CFTR: variants seen among roughly 807,000 people sequenced by gnomAD.
CFTR encodes cystic fibrosis transmembrane conductance regulator.
A neutral mutation model predicts 171.6 loss-of-function variants in CFTR; 181 were observed. The observed-to-expected ratio is 1.05, with a 90% CI of 0.93 to 1.19. CFTR has a LOEUF of 1.19. Ranked by LOEUF, CFTR falls within the 50% of genes most tolerant of loss-of-function variation. CFTR has a pLI of 0.00. For missense variants in CFTR, 1,968 were observed against 1,734.7 expected (o/e 1.13, Z -2.39); for synonymous variants, 583 against 608.0 (o/e 0.96, Z 0.60).
At chr7:117,556,394 T>G (rs1047595389) in intron 10 of CFTR, among the ~76,000 whole-genome samples, 3 of 152,088 alleles carry the variant, frequency 2.0e-5, no homozygotes, top group Admixed American at 6.5e-5. Context: ...TAAAAAAAAT[T>G]TGGAAACTTG....
chr7:117,612,035 A>ATATATATATATATATATATATATGTG (rs1792408879), intron 20 of CFTR, among the ~76,000 whole-genome samples: 1 of 74,244 alleles, frequency 1.3e-5, no homozygotes, highest in African/African-American at 6.1e-5. Flanking sequence ...ATATATATAT[A>ATATATATATATATATATATATATGTG]TATATATATA....
intron 3 of CFTR, among the ~76,000 whole-genome samples, chr7:117,517,592 A>T (rs983359358): frequency 6.6e-6 from 1 of 152,202 alleles, no homozygotes; most frequent in African/African-American, 2.4e-5. Context: ...TTGCTGGGTC[A>T]AATGGTATTT....
At chr7:117,658,530 A>G (rs917383788) in intron 24 of CFTR, among the ~76,000 whole-genome samples, 2 of 152,040 alleles carry the variant, frequency 1.3e-5, no homozygotes, top group African/African-American at 2.4e-5. Flanking sequence ...TTATCTGCCT[A>G]TTCCCAGAGC....
At chr7:117,600,627 C>T (rs1379293681) in intron 15 of CFTR, among the ~76,000 whole-genome samples, 1 of 151,908 alleles carries the variant, frequency 6.6e-6, no homozygotes, top group East Asian at 1.9e-4. Context: ...TTTAGGGCAG[C>T]TTTATGACAG....
At chr7:117,545,798 A>T (rs1352882113) in intron 9 of CFTR, among the ~76,000 whole-genome samples, 2 of 146,486 alleles carry the variant, frequency 1.4e-5, no homozygotes, top group East Asian at 2.0e-4. Context: ...ATCATCACTT[A>T]TTTTTTTTTT....
At position 117,531,090 on chromosome 7, in the gene CFTR, T is replaced by G; in HGVS notation, c.465T>G (p.Ala155=). ...LHHIGMQMRI[A]MFSLIYKKTL... ...ACATTGGAATGCAGATGAGAATAGC[T>G]ATGTTTAGTTTGATTTATAAGAAGG... is the stretch of plus-strand genomic sequence containing the variant. Residue 155 remains alanine, a synonymous_variant, in exon 4 of 27, where the codon GCT becomes GCG. Coordinates refer to ENST00000003084, the MANE Select transcript of CFTR (RefSeq NM_000492.4). 1 of 1,613,280 alleles carries G rather than the reference T, an allele frequency of 6.2e-7. No individual in the cohort carries two copies. The highest frequency in any genetic ancestry group is 8.5e-7 in the Non-Finnish European group (1 of 1,179,582).
chr7:117,610,446 A>C, intron 18 of CFTR, 73 bp from the exon 19 acceptor site: 1 of 1,348,854 alleles, frequency 7.4e-7, no homozygotes, highest in Non-Finnish European at 1.0e-6. Context: ...AAAGAAATAA[A>C]TCACTGACAC....
intron 2 of CFTR, among the ~76,000 whole-genome samples, chr7:117,508,455 A>G (rs949306368): frequency 1.8e-4 from 28 of 152,186 alleles, no homozygotes; most frequent in African/African-American, 6.8e-4. Flanking sequence ...TCATTTTTCA[A>G]AGACCTTTAA....
intron 8 of CFTR, among the ~76,000 whole-genome samples, chr7:117,541,105 C>T (rs772406192): frequency 1.3e-5 from 2 of 152,208 alleles, no homozygotes; most frequent in Non-Finnish European, 2.9e-5. Flanking sequence ...CCCATTCCTT[C>T]ATTATATCAC....
intron 15 of CFTR, among the ~76,000 whole-genome samples, chr7:117,599,014 G>A (rs1465692411): frequency 1.3e-5 from 2 of 151,978 alleles, no homozygotes; most frequent in Non-Finnish European, 2.9e-5. Flanking sequence ...GTTCATAACA[G>A]CAATATAATG....
intron 1 of CFTR, among the ~76,000 whole-genome samples, chr7:117,488,460 A>G (rs1798107298): frequency 6.6e-6 from 1 of 152,066 alleles, no homozygotes; most frequent in Non-Finnish European, 1.5e-5. Flanking sequence ...CAGTTATTAG[A>G]TTATTGTCCA....
At chr7:117,619,004 G>A (rs536130622) in intron 21 of CFTR, among the ~76,000 whole-genome samples, 3 of 152,162 alleles carry the variant, frequency 2.0e-5, no homozygotes, top group Non-Finnish European at 4.4e-5. Context: ...AACATAAATT[G>A]TGGCTATCTA....
chr7:117,642,513 G>A lies in CFTR; in HGVS notation c.3793G>A (p.Gly1265Arg). Residue 1265 changes from glycine (G) to arginine (R), a missense_variant, in exon 23 of 27, where the codon GGA becomes AGA. By Grantham distance (125) the Gly-to-Arg change is moderately radical. Coordinates refer to ENST00000003084, the MANE Select transcript of CFTR (RefSeq NM_000492.4). ...SAFLRLLNTE[G>R]EIQIDGVSWD... The stretch of plus-strand genomic sequence containing the variant: ...TTTTTTGAGACTACTGAACACTGAA[G>A]GAGAAATCCAGATCGATGGTGTGTC... The A allele has an allele frequency of 6.2e-7, 1 of 1,613,690 alleles. No individual in the cohort carries two copies. The highest frequency in any genetic ancestry group is 8.5e-7 in the Non-Finnish European group (1 of 1,179,758).
At position 117,535,400 on chromosome 7, in the gene CFTR, G is replaced by A; in HGVS notation, c.732G>A (p.Met244Ile). The A allele has an allele frequency of 6.2e-7, 1 of 1,613,966 alleles. No homozygotes were observed. The highest frequency in any genetic ancestry group is 1.1e-5 in the South Asian group (1 of 91,080). The change falls in exon 6 of 27, where the codon ATG becomes ATA. Residue 244 changes from methionine (M) to isoleucine (I), a missense_variant. Met to Ile is a conservative substitution (Grantham distance 10). Coordinates refer to ENST00000003084, the MANE Select transcript of CFTR (RefSeq NM_000492.4). Reference protein sequence around the residue: ...ALFQAGLGRMMMKYRDQRAGK... With the variant: ...ALFQAGLGRMIMKYRDQRAGK... ...TTCAGGCTGGGCTAGGGAGAATGAT[G>A]ATGAAGTACAGGTAGCAACCTATTT...
chr7:117,627,715 A>G lies in CFTR; in HGVS notation c.3662A>G (p.Glu1221Gly). Residue 1221 changes from glutamate to glycine, a missense_variant, in exon 22 of 27, where the codon GAA becomes GGA. By Grantham distance (98) the Glu-to-Gly change is moderately conservative (BLOSUM62 -2). Coordinates refer to ENST00000003084, the MANE Select transcript of CFTR (RefSeq NM_000492.4). ...TVKDLTAKYT[E>G]GGNAILENIS... Reference sequence around the variant, plus strand: ...AAAGATCTCACAGCAAAATACACAGAAGGTGGAAATGCCATATTAGAGAAC... The same window carrying G: ...AAAGATCTCACAGCAAAATACACAGGAGGTGGAAATGCCATATTAGAGAAC... 1 of 1,613,320 alleles carries G rather than the reference A, an allele frequency of 6.2e-7. No homozygotes were observed. The highest frequency in any genetic ancestry group is 8.5e-7 in the Non-Finnish European group (1 of 1,179,492).
chr7:117,551,144 G>C (rs1349093751), intron 10 of CFTR, among the ~76,000 whole-genome samples: 2 of 152,138 alleles, frequency 1.3e-5, no homozygotes, highest in Non-Finnish European at 2.9e-5. Flanking sequence ...CTGCTTTCAG[G>C]AGCCAAAAAT....
chr7:117,571,161 A>G (rs2115972742), intron 11 of CFTR, among the ~76,000 whole-genome samples: 1 of 152,296 alleles, frequency 6.6e-6, no homozygotes. Flanking sequence ...TTATAAAGCC[A>G]GCTCTTGTCA....
At chr7:117,533,000 T>C (rs1562889901) in intron 4 of CFTR, among the ~76,000 whole-genome samples, 1 of 152,188 alleles carries the variant, frequency 6.6e-6, no homozygotes, top group Non-Finnish European at 1.5e-5. Context: ...CTCTGCTTTG[T>C]TCCAAATTCT....
At chr7:117,557,927 T>TA (rs906650467) in intron 10 of CFTR, among the ~76,000 whole-genome samples, 22 of 152,138 alleles carry the variant, frequency 1.4e-4, no homozygotes, top group Admixed American at 5.9e-4. Flanking sequence ...TGGAATTTGT[T>TA]AAAAAAAGAT....
Sources: gnomAD v4.1 joint callset for allele counts (sites outside exome capture counted in the v4.1 genomes callset) on GRCh38, gnomAD v4.1.1 for gene constraint, MANE v1.5 for transcripts, NCBI Gene and HGNC (gene_info 2026-07-23, HGNC 2026-07-21) for gene names.